BOP1: variants seen among roughly 807,000 people sequenced by gnomAD.
The protein encoded by BOP1 is BOP1 ribosomal biogenesis factor.
In BOP1, 54 loss-of-function variants were observed where a neutral mutation model predicts 82.9. The observed-to-expected ratio is 0.65, with a 90% CI of 0.52 to 0.82. The LOEUF is 0.82. Among genes scored for constraint, BOP1 ranks in the 40% least tolerant of loss-of-function variants. The pLI is 0.00. For synonymous variants in BOP1, 566 were observed against 451.1 expected, an observed-to-expected ratio of 1.25 and a Z score of -3.23; for missense variants, 1,170 against 1,072.0, an observed-to-expected ratio of 1.09 and a Z score of -1.28.
chr8:144,262,772 C>CG, intron 13 of BOP1, 81 bp downstream of exon 13: 1 of 1,378,466 alleles, frequency 7.3e-7, no homozygotes, highest in Non-Finnish European at 9.7e-7. Flanking sequence ...TGCACTGCCC[C>CG]TACCCCCACC....
intron 2 of BOP1, among the ~76,000 whole-genome samples, chr8:144,286,177 A>G (rs1814863177): frequency 6.6e-6 from 1 of 152,228 alleles, no homozygotes; most frequent in African/African-American, 2.4e-5. Context: ...GGTTCCCACT[A>G]AGAAGCTGAA....
chr8:144,263,117 C>A lies in BOP1; in HGVS notation c.1630G>T (p.Gly544Trp). ...GKPVTQVTWH[G>W]RGDYLAVVLA... ...ACCACGGCCAGGTAGTCCCCACGCC[C>A]GTGCCAGGTCACCTGCGTCACTGGC... The change falls in exon 13 of 16, where the codon GGG (glycine) becomes TGG (tryptophan). Residue 544 changes from glycine to tryptophan, a missense_variant. Coordinates refer to ENST00000569669, the MANE Select transcript of BOP1 (RefSeq NM_015201.5). 1 of 1,593,608 alleles carries A rather than the reference C, an allele frequency of 6.3e-7. No individual in the cohort carries two copies. Among genetic ancestry groups the A allele is most frequent in the Non-Finnish European group, 8.5e-7 (1 of 1,178,760 alleles).
intron 2 of BOP1, among the ~76,000 whole-genome samples, chr8:144,277,345 G>T (rs1478890554): frequency 6.6e-6 from 1 of 152,230 alleles, no homozygotes; most frequent in African/African-American, 2.4e-5. Context: ...CGGAGCTCTT[G>T]CCCCTGCCTG....
At chr8:144,275,249 T>G (rs1443891335) in intron 3 of BOP1, among the ~76,000 whole-genome samples, 2 of 152,104 alleles carry the variant, frequency 1.3e-5, no homozygotes, top group Admixed American at 1.3e-4. Flanking sequence ...AGACTCTGCC[T>G]CACACCCAGG....
intron 2 of BOP1, among the ~76,000 whole-genome samples, chr8:144,283,412 C>CCG (rs1814772821): frequency 6.6e-6 from 1 of 152,132 alleles, no homozygotes; most frequent in African/African-American, 2.4e-5. Flanking sequence ...GATGATGCCG[C>CCG]CACAGGGAAG....
At position 144,263,388 on chromosome 8, in the gene BOP1, G is replaced by C; in HGVS notation, c.1438C>G (p.Leu480Val). The change falls in exon 12 of 16, where the codon CTG (leucine) becomes GTG (valine). Residue 480 changes from leucine to valine, a missense_variant. Coordinates refer to ENST00000569669, the MANE Select transcript of BOP1 (RefSeq NM_015201.5). ...TCCCCCAGAGCTGGGTTCAGCAGCA[G>C]CACCGAGTCCTCCCTGTGAGCCAGG... ...LVAAAVEDSV[L>V]LLNPALGDRL... The C allele has an allele frequency of 6.3e-7, 1 of 1,597,572 alleles. No homozygotes were observed. Among genetic ancestry groups the C allele is most frequent in the South Asian group, 1.1e-5 (1 of 90,996 alleles).
intron 1 of BOP1, among the ~76,000 whole-genome samples, chr8:144,290,972 C>G (rs922843628): frequency 1.3e-5 from 2 of 152,350 alleles, no homozygotes; most frequent in East Asian, 3.9e-4. Flanking sequence ...TTACTGGGAG[C>G]GCAAGCCGAG....
intron 3 of BOP1, among the ~76,000 whole-genome samples, chr8:144,269,276 C>T (rs1229032791): frequency 1.3e-5 from 2 of 152,250 alleles, no homozygotes; most frequent in African/African-American, 2.4e-5. Flanking sequence ...GGACCACCTC[C>T]CCCCAACCCT....
chr8:144,277,771 G>A (rs953146619), intron 2 of BOP1, among the ~76,000 whole-genome samples: 46 of 150,138 alleles, frequency 3.1e-4, no homozygotes, highest in African/African-American at 1.1e-3. Flanking sequence ...ACGGCGCTCA[G>A]CCAGGCCCAG....
At chr8:144,265,138 G>A in intron 3 of BOP1, 67 bp from the exon 4 acceptor site, 2 of 1,563,850 alleles carry the variant, frequency 1.3e-6, no homozygotes, top group Non-Finnish European at 1.7e-6. Flanking sequence ...GGGCCGCCCA[G>A]GGGAGCAGGT....
intron 5 of BOP1, 25 bp from the exon 6 acceptor site, chr8:144,264,641 G>A: frequency 3.2e-6 from 5 of 1,574,928 alleles, no homozygotes; most frequent in South Asian, 1.1e-5. Flanking sequence ...GTGGGCGTGT[G>A]GGCCAGAGTG....
chr8:144,283,007 G>A (rs895005099), intron 2 of BOP1, among the ~76,000 whole-genome samples: 17 of 151,016 alleles, frequency 1.1e-4, no homozygotes, highest in Non-Finnish European at 1.9e-4. Context: ...TGGCCAACAT[G>A]GTGACACTCC....
chr8:144,267,117 C>T (rs1845390827), intron 3 of BOP1: 7 of 1,475,568 alleles, frequency 4.7e-6, no homozygotes, highest in Non-Finnish European at 5.3e-6. Context: ...CTCCCGCCCG[C>T]GACGGCGAGA....
At chr8:144,277,615 C>T (rs1845587858) in intron 2 of BOP1, among the ~76,000 whole-genome samples, 2 of 152,266 alleles carry the variant, frequency 1.3e-5, no homozygotes. Flanking sequence ...CGCTCTGTGC[C>T]CCGTGGCCCC....
At chr8:144,277,236 A>C (rs996058690) in intron 2 of BOP1, among the ~76,000 whole-genome samples, 3 of 149,984 alleles carry the variant, frequency 2.0e-5, no homozygotes, top group Non-Finnish European at 4.4e-5. Context: ...ATATAAAGAG[A>C]GATGGGAGAC....
At chr8:144,284,103 C>A (rs782747742) in intron 2 of BOP1, among the ~76,000 whole-genome samples, 3 of 151,812 alleles carry the variant, frequency 2.0e-5, no homozygotes, top group Admixed American at 6.6e-5. Flanking sequence ...GGCGACAGAG[C>A]GAGACTCTGT....
intron 3 of BOP1, among the ~76,000 whole-genome samples, chr8:144,268,681 C>T (rs1845437470): frequency 6.6e-6 from 1 of 152,116 alleles, no homozygotes; most frequent in Admixed American, 6.5e-5. Context: ...CACAGAGCCT[C>T]ATATCGGGAA....
At position 144,276,312 on chromosome 8, in the gene BOP1, G is replaced by C. The variant is rs1247996161; in HGVS notation, c.310-8C>G. 2.2e-5 allele frequency: 35 copies of C among 1,611,560 alleles called. No individual in the cohort carries two copies. In the South Asian group the frequency reaches 3.4e-4, roughly 16 times the overall value. The stretch of plus-strand genomic sequence containing the variant: ...CGGGCAAGGAGTGCTGGCCTGCAGA[G>C]AGAGAGAGAAAATGGTCACTTCAGG... On this transcript the variant is annotated splice_polypyrimidine_tract_variant and splice_region_variant and intron_variant, in intron 2 of 15. Transcript: ENST00000569669.
intron 3 of BOP1, among the ~76,000 whole-genome samples, chr8:144,268,721 C>CA (rs1297377407): frequency 0.01 from 1,554 of 152,064 alleles, 29 homozygotes; most frequent in African/African-American, 0.036. Context: ...GGAGCCACGC[C>CA]GGGAGAGAGG....
Sources: gnomAD v4.1 joint callset for allele counts (sites outside exome capture counted in the v4.1 genomes callset) on GRCh38, gnomAD v4.1.1 for gene constraint, MANE v1.5 for transcripts, NCBI Gene and HGNC (gene_info 2026-07-23, HGNC 2026-07-21) for gene names.